The following RBFOX1 variants were observed in gnomAD, a reference collection of about 807,000 sequenced individuals.
The protein encoded by RBFOX1 is RNA binding fox-1 homolog 1, also known as RNA binding protein fox-1 homolog 1.
In RBFOX1, 8 loss-of-function variants were observed where a neutral mutation model predicts 57.7. The ratio of observed to expected loss-of-function variants is 0.14; its 90% confidence interval spans 0.08 to 0.25. RBFOX1 has a LOEUF of 0.25. RBFOX1 is among the 10% of genes least tolerant of loss of function. The probability of loss-of-function intolerance (pLI) is 1.00; values close to 1 mark genes in which losing one functional copy is unlikely to be tolerated. For synonymous variants in RBFOX1, 326 were observed against 222.4 expected, an observed-to-expected ratio of 1.47 and a Z score of -4.15; for missense variants, 611 against 548.5, an observed-to-expected ratio of 1.11 and a Z score of -1.14.
intron 4 of RBFOX1, among the ~76,000 whole-genome samples, chr16:7,220,240 A>G (rs771437812): frequency 1.3e-5 from 2 of 152,146 alleles, no homozygotes; most frequent in Non-Finnish European, 2.9e-5. Context: ...GAGAAGGATA[A>G]TTCAATATAG....
chr16:6,984,520 G>C (rs1400027337), intron 3 of RBFOX1, among the ~76,000 whole-genome samples: 2 of 152,156 alleles, frequency 1.3e-5, no homozygotes, highest in African/African-American at 2.4e-5. Context: ...CTCACCTTTA[G>C]TAGTCACTAA....
At chr16:5,555,281 C>G (rs909043932) in intron 2 of RBFOX1, among the ~76,000 whole-genome samples, 17 of 152,140 alleles carry the variant, frequency 1.1e-4, no homozygotes, top group African/African-American at 2.6e-4. Flanking sequence ...GAGATGGAGT[C>G]TCACTCTTGT....
chr16:5,852,706 C>G lies in RBFOX1; in HGVS notation c.319-14597C>G, dbSNP rs145897439. ...GCAGTTGGGTATGGTGGCTCATACC[C>G]ATAATCCCAGCACTTTGGGAGGCTG... On this transcript the variant is annotated intron_variant, in intron 3 of 19. Transcript: ENST00000641259. Among the ~76,000 whole-genome samples, 196 of 152,144 alleles carry G rather than the reference C, an allele frequency of 1.3e-3. 1 individual carries two copies. Among genetic ancestry groups the G allele is most frequent in the African/African-American group, 4.5e-3 (187 of 41,504 alleles).
intron 4 of RBFOX1, among the ~76,000 whole-genome samples, chr16:7,489,759 G>C (rs1599783910): frequency 6.6e-6 from 1 of 151,190 alleles, no homozygotes; most frequent in South Asian, 2.1e-4. Context: ...GGCCTCAAGT[G>C]ATCCTCCCAA....
intron 2 of RBFOX1, among the ~76,000 whole-genome samples, chr16:6,571,816 C>T (rs1468441496): frequency 1.3e-5 from 2 of 152,130 alleles, no homozygotes; most frequent in Non-Finnish European, 2.9e-5. Flanking sequence ...ATCAAAAAAG[C>T]ATATGTAAAA....
At chr16:7,653,769 A>G (rs980701675) in intron 11 of RBFOX1, 46 bp from the exon 12 acceptor site, 7 of 1,595,372 alleles carry the variant, frequency 4.4e-6, no homozygotes, top group African/African-American at 1.4e-5. Flanking sequence ...CAGGGTGTGC[A>G]TCTGACAGCC....
At chr16:7,243,404 A>G (rs1331507821) in intron 4 of RBFOX1, among the ~76,000 whole-genome samples, 3 of 152,208 alleles carry the variant, frequency 2.0e-5, no homozygotes, top group African/African-American at 7.2e-5. Context: ...TTCCAAAACA[A>G]AAAGATGTGG....
chr16:7,092,839 A>G (rs1315626223), intron 4 of RBFOX1, among the ~76,000 whole-genome samples: 2 of 152,204 alleles, frequency 1.3e-5, no homozygotes, highest in African/African-American at 4.8e-5. Flanking sequence ...CCCCTTTACC[A>G]AATCGAAGGC....
Position 7,080,046 on chromosome 16 carries a change from ATATATATACATAT to A in RBFOX1, c.27+27957_27+27969del, listed in dbSNP as rs1388771614. Reference sequence around the variant, plus strand: ...TACGTATATATGTATATAGATGTATATATATATACATATTATATATATACATATATACATATGT... The same window carrying A: ...TACGTATATATGTATATAGATGTATATATATATATACATATATACATATGT... On this transcript the variant is annotated intron_variant, in intron 4 of 15. Transcript: ENST00000550418. Among the ~76,000 whole-genome samples the A allele has an allele frequency of 8.4e-5, 12 of 142,028 alleles. No homozygotes were observed. The South Asian group carries it at 1.5e-3, about 18-fold the overall frequency. 93.2% of individuals were successfully genotyped at this position (142,028 alleles called of 152,430 possible).
chr16:5,895,209 G>A (rs1029696053), intron 4 of RBFOX1, among the ~76,000 whole-genome samples: 1 of 152,160 alleles, frequency 6.6e-6, no homozygotes, highest in Admixed American at 6.5e-5. Flanking sequence ...AGGTCATAGT[G>A]TTAAGTCTTA....
intron 4 of RBFOX1, among the ~76,000 whole-genome samples, chr16:5,895,182 G>A (rs2058135639): frequency 1.3e-5 from 2 of 152,148 alleles, no homozygotes; most frequent in Admixed American, 1.3e-4. Context: ...TCATGCCCTT[G>A]CCTGCTATAA....
chr16:7,523,287 C>G (rs1332009495), intron 5 of RBFOX1, among the ~76,000 whole-genome samples: 1 of 152,102 alleles, frequency 6.6e-6, no homozygotes, highest in African/African-American at 2.4e-5. Context: ...AGAAATAAAT[C>G]TGCTGACATT....
At chr16:7,518,520 T>C (rs564539269) in intron 5 of RBFOX1, 131 bp downstream of exon 5, 1 of 1,203,486 alleles carries the variant, frequency 8.3e-7, no homozygotes, top group East Asian at 2.6e-5. Flanking sequence ...CCCACCCTCA[T>C]CATACCAGCT....
chr16:5,819,774 A>G (rs900426877), intron 3 of RBFOX1, among the ~76,000 whole-genome samples: 4 of 152,182 alleles, frequency 2.6e-5, no homozygotes, highest in African/African-American at 7.2e-5. Context: ...CTTTCAACAA[A>G]TATTATTGAG....
chr16:6,485,998 G>T (rs935191617), intron 2 of RBFOX1, among the ~76,000 whole-genome samples: 1 of 144,636 alleles, frequency 6.9e-6, no homozygotes, highest in Non-Finnish European at 1.5e-5. Context: ...CTCTTAAAAA[G>T]GACCAGCTAA....
intron 3 of RBFOX1, among the ~76,000 whole-genome samples, chr16:7,007,091 A>G (rs192737758): frequency 6.4e-4 from 98 of 152,324 alleles, no homozygotes; most frequent in Non-Finnish European, 1.1e-3. Context: ...GCTGATGTCA[A>G]TGGTTGGCTG....
intron 4 of RBFOX1, among the ~76,000 whole-genome samples, chr16:7,121,075 A>G (rs988938226): frequency 6.6e-6 from 1 of 151,968 alleles, no homozygotes; most frequent in Non-Finnish European, 1.5e-5. Flanking sequence ...CATTGATGAT[A>G]AAAACTCTCA....
intron 4 of RBFOX1, among the ~76,000 whole-genome samples, chr16:7,303,343 A>C (rs1468094681): frequency 6.6e-6 from 1 of 152,030 alleles, no homozygotes; most frequent in African/African-American, 2.4e-5. Context: ...CTAACGTCTC[A>C]GCACTCCACC....
chr16:5,452,533 G>A (rs1331978678), intron 1 of RBFOX1, among the ~76,000 whole-genome samples: 2 of 152,042 alleles, frequency 1.3e-5, no homozygotes, highest in African/African-American at 4.8e-5. Flanking sequence ...AGGACTGTTA[G>A]CACCCATTTC....
Sources: gnomAD v4.1 joint callset for allele counts (sites outside exome capture counted in the v4.1 genomes callset) on GRCh38, gnomAD v4.1.1 for gene constraint, MANE v1.5 for transcripts, NCBI Gene and HGNC (gene_info 2026-07-23, HGNC 2026-07-21) for gene names.